Variants in FBXL7 observed in about 807,000 individuals in gnomAD.
The protein encoded by FBXL7 is F-box and leucine rich repeat protein 7, also known as F-box/LRR-repeat protein 7.
A neutral mutation model predicts 38.3 loss-of-function variants in FBXL7; 12 were observed. The observed-to-expected ratio is 0.31, with a 90% CI of 0.20 to 0.51. The LOEUF (loss-of-function observed/expected upper bound fraction) is 0.51. FBXL7 is among the 20% of genes least tolerant of loss of function. The probability of loss-of-function intolerance (pLI) is 0.98; values close to 1 mark genes in which losing one functional copy is unlikely to be tolerated. For synonymous variants in FBXL7, 297 were observed against 300.9 expected, an observed-to-expected ratio of 0.99 and a Z score of 0.13; for missense variants, 567 against 676.4, an observed-to-expected ratio of 0.84 and a Z score of 1.79.
At chr5:15,714,448 G>A (rs1267217973) in intron 2 of FBXL7, among the ~76,000 whole-genome samples, 1 of 151,518 alleles carries the variant, frequency 6.6e-6, no homozygotes, top group Non-Finnish European at 1.5e-5. Context: ...CCAGTCTCAG[G>A]TAGTTCTTTA....
intron 2 of FBXL7, among the ~76,000 whole-genome samples, chr5:15,709,287 A>G (rs183667340): frequency 7.9e-5 from 12 of 152,150 alleles, no homozygotes; most frequent in Non-Finnish European, 1.5e-4. Flanking sequence ...TAATCCCAGC[A>G]CTTTGGGAGG....
At chr5:15,549,234 TC>T (rs1349300252) in intron 1 of FBXL7, among the ~76,000 whole-genome samples, 3 of 152,210 alleles carry the variant, frequency 2.0e-5, no homozygotes, top group Non-Finnish European at 4.4e-5. Context: ...ATAGAATAAT[TC>T]CCATCACAAA....
At chr5:15,717,741 C>T (rs935453171) in intron 2 of FBXL7, among the ~76,000 whole-genome samples, 2 of 152,220 alleles carry the variant, frequency 1.3e-5, no homozygotes, top group South Asian at 2.1e-4. Flanking sequence ...ATCAAACACA[C>T]AACTTCAGAT....
At chr5:15,618,668 T>C (rs1171468351) in intron 2 of FBXL7, among the ~76,000 whole-genome samples, 4 of 152,168 alleles carry the variant, frequency 2.6e-5, no homozygotes, top group Admixed American at 2.6e-4. Flanking sequence ...ATCTCAACTA[T>C]GGTGCATAAC....
chr5:15,676,702 TAGGTGGCCATGCTG>T (rs1742665213), intron 2 of FBXL7, among the ~76,000 whole-genome samples: 1 of 152,150 alleles, frequency 6.6e-6, no homozygotes, highest in Non-Finnish European at 1.5e-5. Context: ...AGCAGGGCCA[TAGGTGGCCATGCTG>T]CAGGGCACTG....
chr5:15,756,841 A>G (rs1014601922), intron 2 of FBXL7, among the ~76,000 whole-genome samples: 1 of 152,210 alleles, frequency 6.6e-6, no homozygotes, highest in African/African-American at 2.4e-5. Flanking sequence ...TTAATACTAG[A>G]AATAGCCTTT....
intron 2 of FBXL7, among the ~76,000 whole-genome samples, chr5:15,754,491 A>G (rs979179223): frequency 2.0e-5 from 3 of 152,188 alleles, no homozygotes; most frequent in African/African-American, 7.2e-5. Context: ...ATCAGTGTAA[A>G]TGATGTGACA....
chr5:15,598,077 AG>A (rs200118822), intron 1 of FBXL7, among the ~76,000 whole-genome samples: 3,625 of 152,296 alleles, frequency 0.024, 54 homozygotes, highest in Middle Eastern at 0.044. Context: ...TGCAAAATTT[AG>A]GGGGAGTGAT....
intron 2 of FBXL7, among the ~76,000 whole-genome samples, chr5:15,815,588 T>A (rs530252554): frequency 6.6e-6 from 1 of 152,188 alleles, no homozygotes; most frequent in Non-Finnish European, 1.5e-5. Context: ...CATTAAAGAA[T>A]CTACTCAATC....
chr5:15,687,377 G>C (rs1205765095), intron 2 of FBXL7, among the ~76,000 whole-genome samples: 1 of 152,122 alleles, frequency 6.6e-6, no homozygotes, highest in Non-Finnish European at 1.5e-5. Context: ...TTTGAGGTGG[G>C]AGCCTTTTGA....
At chr5:15,543,740 G>C (rs1737822723) in intron 1 of FBXL7, among the ~76,000 whole-genome samples, 1 of 152,168 alleles carries the variant, frequency 6.6e-6, no homozygotes, top group Non-Finnish European at 1.5e-5. Flanking sequence ...TCAGTATAAA[G>C]GGCATCGGGT....
At chr5:15,844,000 T>C (rs1255677054) in intron 2 of FBXL7, among the ~76,000 whole-genome samples, 3 of 151,662 alleles carry the variant, frequency 2.0e-5, no homozygotes, top group Non-Finnish European at 4.4e-5. Flanking sequence ...GAGAAGTGCC[T>C]TTTTTTTAAG....
intron 1 of FBXL7, among the ~76,000 whole-genome samples, chr5:15,552,140 C>T (rs1449724847): frequency 3.3e-5 from 5 of 152,350 alleles, no homozygotes; most frequent in African/African-American, 4.8e-5. Context: ...GGCTATACTA[C>T]ACTATGCTAT....
At chr5:15,792,685 T>C in intron 2 of FBXL7, among the ~76,000 whole-genome samples, 1 of 152,134 alleles carries the variant, frequency 6.6e-6, no homozygotes, top group Admixed American at 6.5e-5. Context: ...GACCCTGCTT[T>C]GTTCATGCTC....
intron 2 of FBXL7, among the ~76,000 whole-genome samples, chr5:15,878,509 A>C (rs546196057): frequency 3.9e-5 from 6 of 152,290 alleles, no homozygotes; most frequent in African/African-American, 7.2e-5. Flanking sequence ...CCTGGAACTT[A>C]TCTTCAAACT....
At chr5:15,902,993 A>G (rs982162451) in intron 2 of FBXL7, among the ~76,000 whole-genome samples, 1 of 152,218 alleles carries the variant, frequency 6.6e-6, no homozygotes, top group African/African-American at 2.4e-5. Flanking sequence ...TCTTCTGCAA[A>G]AGTGCTTGGG....
intron 2 of FBXL7, among the ~76,000 whole-genome samples, chr5:15,869,918 T>C (rs1307359600): frequency 6.6e-6 from 1 of 152,106 alleles, no homozygotes; most frequent in Non-Finnish European, 1.5e-5. Context: ...CAGACCAGCC[T>C]GGGCAACATG....
chr5:15,593,692 A>T (rs1413714953), intron 1 of FBXL7, among the ~76,000 whole-genome samples: 2 of 152,138 alleles, frequency 1.3e-5, no homozygotes, highest in African/African-American at 2.4e-5. Context: ...TTTTGTTTTA[A>T]ATTTGTTTAA....
intron 2 of FBXL7, among the ~76,000 whole-genome samples, chr5:15,922,685 T>A (rs1741775057): frequency 6.6e-6 from 1 of 152,204 alleles, no homozygotes; most frequent in African/African-American, 2.4e-5. Context: ...TTCAGAATAA[T>A]TCCTGGCAGT....
Sources: allele counts gnomAD v4.1 joint callset (sites outside exome capture counted in the v4.1 genomes callset), GRCh38; gene constraint gnomAD v4.1.1; transcripts MANE v1.5; gene names NCBI Gene and HGNC (gene_info 2026-07-23, HGNC 2026-07-21).